The following STXBP3 variants were observed in gnomAD, a reference collection of about 807,000 sequenced individuals.
The protein encoded by STXBP3 is syntaxin binding protein 3, also known as syntaxin-binding protein 3.
A neutral mutation model predicts 85.7 loss-of-function variants in STXBP3; 41 were observed. That is an observed-to-expected ratio of 0.48 (90% CI 0.37 to 0.62). The LOEUF (loss-of-function observed/expected upper bound fraction) is 0.62, where lower values mean the gene tolerates loss of function less well. Ranked by LOEUF, STXBP3 falls within the 20% of genes least tolerant of loss-of-function variation. The probability of loss-of-function intolerance (pLI) is 0.00; values close to 1 mark genes in which losing one functional copy is unlikely to be tolerated. For missense variants in STXBP3, 563 were observed against 703.1 expected, an observed-to-expected ratio of 0.80 and a Z score of 2.25; for synonymous variants, 229 against 231.7, an observed-to-expected ratio of 0.99 and a Z score of 0.10.
Position 108,760,025 on chromosome 1 carries a change from C to T in STXBP3, c.378C>T (p.Cys126=). The T allele has an allele frequency of 1.9e-6, 3 of 1,576,422 alleles. No individual in the cohort carries two copies. Among genetic ancestry groups the T allele is most frequent in the African/African-American group, 1.4e-5 (1 of 72,348 alleles). Residue 126 remains cysteine, a synonymous_variant, in exon 6 of 19, where the codon TGC becomes TGT. Coordinates refer to ENST00000370008, the MANE Select transcript of STXBP3 (RefSeq NM_007269.4). ...TCTTTAACAAAATTAAGGCTTCTTG[C>T]TCCAAGTCAATAAGAAGATGTAAAG... The part of the protein sequence containing the change: ...DNLFNKIKAS[C]SKSIRRCKEI...
At chr1:108,763,279 A>C (rs1662181676) in intron 6 of STXBP3, among the ~76,000 whole-genome samples, 1 of 152,188 alleles carries the variant, frequency 6.6e-6, no homozygotes, top group Non-Finnish European at 1.5e-5. Flanking sequence ...AAACCAACCC[A>C]AATTATATTT....
chr1:108,803,996 T>C (rs1039609816), intron 17 of STXBP3, among the ~76,000 whole-genome samples: 1 of 152,220 alleles, frequency 6.6e-6, no homozygotes, highest in Non-Finnish European at 1.5e-5. Flanking sequence ...CTTTTTTCTC[T>C]GGTTGTTTTT....
intron 1 of STXBP3, among the ~76,000 whole-genome samples, chr1:108,747,074 C>T (rs964408715): frequency 3.0e-5 from 2 of 66,928 alleles, no homozygotes; most frequent in Non-Finnish European, 7.6e-5. Flanking sequence ...CCGCCCGGCC[C>T]GGCTTTCCCT....
At chr1:108,779,943 A>G (rs1421428362) in intron 9 of STXBP3, 1 of 152,172 alleles carries the variant, frequency 6.6e-6, no homozygotes, top group East Asian at 1.9e-4. Flanking sequence ...AGTAATGTCA[A>G]ATAAAAACCT....
intron 7 of STXBP3, 56 bp from the exon 8 acceptor site, chr1:108,776,277 T>C (rs925974578): frequency 2.6e-6 from 3 of 1,153,244 alleles, no homozygotes; most frequent in South Asian, 3.7e-5. Context: ...CTTCATGATA[T>C]TATAAAGTAT....
chr1:108,752,920 C>T, intron 2 of STXBP3, 143 bp from the exon 3 acceptor site: 1 of 503,702 alleles, frequency 2.0e-6, no homozygotes, highest in Non-Finnish European at 3.5e-6. Context: ...CTAGCTCATG[C>T]AAGATAAAAG....
At chr1:108,790,202 T>C (rs1662947406) in intron 11 of STXBP3, among the ~76,000 whole-genome samples, 1 of 152,166 alleles carries the variant, frequency 6.6e-6, no homozygotes, top group Admixed American at 6.5e-5. Context: ...TGACTGTGAA[T>C]TAGTTTGTTT....
chr1:108,777,375 A>AT (rs1324522727), intron 8 of STXBP3, among the ~76,000 whole-genome samples: 1 of 152,124 alleles, frequency 6.6e-6, no homozygotes, highest in Non-Finnish European at 1.5e-5. Flanking sequence ...GGAAAACAGG[A>AT]TTCTTCAGGT....
rs557749648 is a variant in STXBP3, at chr1:108,797,118, G to A, written c.1356+392G>A. ...CTGTAATCCCAACACTCTGGGAGAC[G>A]CTGAGGCAGGAGGATTTCTTGAGCC... On this transcript the variant is annotated intron_variant, in intron 15 of 18. Coordinates refer to ENST00000370008, the MANE Select transcript of STXBP3 (RefSeq NM_007269.4). Among the ~76,000 whole-genome samples the A allele has an allele frequency of 2.0e-5, 3 of 152,024 alleles. 1 individual carries two copies. The highest frequency in any genetic ancestry group is 3.9e-4 in the East Asian group (2 of 5,162).
intron 11 of STXBP3, among the ~76,000 whole-genome samples, chr1:108,792,462 T>G (rs1280711028): frequency 1.3e-5 from 2 of 152,238 alleles, no homozygotes; most frequent in Non-Finnish European, 2.9e-5. Context: ...ATCAAATCAT[T>G]GTATTTAGAA....
chr1:108,806,003 G>A (rs889236782), intron 17 of STXBP3, among the ~76,000 whole-genome samples: 1 of 151,896 alleles, frequency 6.6e-6, no homozygotes, highest in African/African-American at 2.4e-5. Context: ...TGAACAATTG[G>A]GTACTTATTT....
intron 8 of STXBP3, among the ~76,000 whole-genome samples, chr1:108,776,798 G>C (rs998864147): frequency 5.9e-5 from 9 of 152,278 alleles, no homozygotes; most frequent in African/African-American, 1.9e-4. Context: ...TTAATACATG[G>C]AAAGTCCTTA....
chr1:108,806,933 A>G (rs1663348605), intron 17 of STXBP3, among the ~76,000 whole-genome samples: 2 of 152,242 alleles, frequency 1.3e-5, no homozygotes, highest in East Asian at 1.9e-4. Flanking sequence ...GGTTAGTCAT[A>G]CTATGGTTAA....
At chr1:108,765,888 CTG>C (rs1175577411) in intron 6 of STXBP3, among the ~76,000 whole-genome samples, 3 of 128,412 alleles carry the variant, frequency 2.3e-5, no homozygotes, top group Non-Finnish European at 4.7e-5. Flanking sequence ...GATTCTCACT[CTG>C]TCACCAGGCT....
At chr1:108,779,675 G>T (rs1690734) in intron 9 of STXBP3, 170,972 of 241,976 alleles carry the variant, frequency 0.71, 62,474 homozygotes, top group Non-Finnish European at 0.77. Context: ...TTTAAACACA[G>T]GGAATTTGGC....
intron 6 of STXBP3, among the ~76,000 whole-genome samples, chr1:108,768,317 C>G (rs557619251): frequency 5.3e-5 from 8 of 152,208 alleles, no homozygotes; most frequent in African/African-American, 1.9e-4. Context: ...CCAGGCTGGT[C>G]TCGAACTCCC....
At chr1:108,794,778 A>T (rs112053464) in intron 12 of STXBP3, 49 bp from the exon 13 acceptor site, 1 of 1,549,360 alleles carries the variant, frequency 6.5e-7, no homozygotes, top group Admixed American at 1.8e-5. Flanking sequence ...TACCAGTTGC[A>T]CAAAAGTCAT....
At chr1:108,803,009 A>G (rs944297039) in intron 17 of STXBP3, among the ~76,000 whole-genome samples, 1 of 152,226 alleles carries the variant, frequency 6.6e-6, no homozygotes, top group Non-Finnish European at 1.5e-5. Context: ...GGCTATCTCA[A>G]AACTGGCATT....
At chr1:108,760,989 C>A (rs1211981498) in intron 6 of STXBP3, among the ~76,000 whole-genome samples, 1 of 152,086 alleles carries the variant, frequency 6.6e-6, no homozygotes, top group Non-Finnish European at 1.5e-5. Context: ...CTGCAACCTC[C>A]ATCTCCCAAG....
Sources: gnomAD v4.1 joint callset for allele counts (sites outside exome capture counted in the v4.1 genomes callset) on GRCh38, gnomAD v4.1.1 for gene constraint, MANE v1.5 for transcripts, NCBI Gene and HGNC (gene_info 2026-07-23, HGNC 2026-07-21) for gene names.